The following LY86 variants were observed in gnomAD, a reference collection of about 807,000 sequenced individuals.
The protein encoded by LY86 is lymphocyte antigen 86.
A neutral mutation model predicts 17.3 loss-of-function variants in LY86; 20 were observed. That is an observed-to-expected ratio of 1.15 (90% CI 0.81 to 1.68). The LOEUF is 1.68. LY86 is among the 40% of genes most tolerant of loss of function. The pLI is 0.00. For missense variants in LY86, 200 were observed against 191.9 expected (o/e 1.04, Z -0.25); for synonymous variants, 74 against 70.6 (o/e 1.05, Z -0.24).
At chr6:6,622,477 C>A (rs935447433) in intron 1 of LY86, among the ~76,000 whole-genome samples, 4 of 152,194 alleles carry the variant, frequency 2.6e-5, no homozygotes, top group African/African-American at 9.7e-5. Flanking sequence ...TCTCCAACCC[C>A]CTGCTCCTAT....
chr6:6,643,326 G>A (rs984630131), intron 3 of LY86, among the ~76,000 whole-genome samples: 1 of 152,208 alleles, frequency 6.6e-6, no homozygotes, highest in African/African-American at 2.4e-5. Context: ...AATGGAATAT[G>A]ATTCAGCCTT....
chr6:6,601,591 G>A lies in LY86; in HGVS notation c.136+12721G>A, dbSNP rs10214703. ...AGAAATTAGCCAGGCGCAGTGGTGG[G>A]CACCTGTAGTCCCAGCTACTCAGGA... On this transcript the variant is annotated intron_variant, in intron 1 of 4. Transcript: ENST00000230568. Among the ~76,000 whole-genome samples the A allele has an allele frequency of 9.6e-3, 1,467 of 152,204 alleles. 15 individuals carry two copies. Among genetic ancestry groups the A allele is most frequent in the South Asian group, 0.026 (125 of 4,820 alleles).
chr6:6,614,023 C>G (rs538297606), intron 1 of LY86, among the ~76,000 whole-genome samples: 3 of 152,202 alleles, frequency 2.0e-5, no homozygotes, highest in Non-Finnish European at 4.4e-5. Flanking sequence ...CTTACATTCC[C>G]TAAAAGAATA....
chr6:6,613,887 A>G (rs1448039474), intron 1 of LY86, among the ~76,000 whole-genome samples: 2 of 152,338 alleles, frequency 1.3e-5, no homozygotes, highest in East Asian at 3.9e-4. Flanking sequence ...CCCACAGTGC[A>G]GTGTAAAGAG....
intron 3 of LY86, among the ~76,000 whole-genome samples, chr6:6,646,324 G>A (rs556663051): frequency 2.6e-4 from 40 of 152,238 alleles, no homozygotes; most frequent in African/African-American, 9.4e-4. Context: ...ACGATGCTTC[G>A]AATACACAAA....
At chr6:6,595,089 A>G (rs1052206803) in intron 1 of LY86, among the ~76,000 whole-genome samples, 4 of 151,766 alleles carry the variant, frequency 2.6e-5, no homozygotes, top group Non-Finnish European at 2.9e-5. Flanking sequence ...CCAGCAAAAG[A>G]AGGATGGGGA....
At chr6:6,612,536 A>C (rs559667468) in intron 1 of LY86, among the ~76,000 whole-genome samples, 9 of 152,352 alleles carry the variant, frequency 5.9e-5, no homozygotes, top group South Asian at 4.1e-4. Context: ...AACCAACCAC[A>C]CAAAAGCAAC....
chr6:6,613,429 C>T (rs1007218389), intron 1 of LY86, among the ~76,000 whole-genome samples: 1 of 152,234 alleles, frequency 6.6e-6, no homozygotes, highest in African/African-American at 2.4e-5. Context: ...GTCCTGAGCC[C>T]TGCCGCGCCG....
intron 1 of LY86, among the ~76,000 whole-genome samples, chr6:6,613,222 A>T (rs1445093802): frequency 2.8e-5 from 4 of 144,978 alleles, no homozygotes; most frequent in East Asian, 4.4e-4. Flanking sequence ...CACCCAGTGG[A>T]TCCGGCACTA....
intron 1 of LY86, among the ~76,000 whole-genome samples, chr6:6,605,417 G>C (rs575410386): frequency 6.6e-6 from 1 of 152,220 alleles, no homozygotes; most frequent in Non-Finnish European, 1.5e-5. Context: ...GCAATGAACA[G>C]ACCTCCAAAG....
chr6:6,624,716 C>A (rs921156589), intron 1 of LY86, among the ~76,000 whole-genome samples: 2 of 152,106 alleles, frequency 1.3e-5, no homozygotes, highest in African/African-American at 2.4e-5. Context: ...TGGATGGAGG[C>A]CCCCTGTTGT....
intron 4 of LY86, among the ~76,000 whole-genome samples, chr6:6,652,427 T>A (rs1356720316): frequency 6.6e-6 from 1 of 152,142 alleles, no homozygotes; most frequent in Non-Finnish European, 1.5e-5. Context: ...GCAGTTCCCA[T>A]GTGGCCAAAA....
intron 3 of LY86, among the ~76,000 whole-genome samples, chr6:6,639,283 G>A (rs191028110): frequency 5.5e-4 from 84 of 151,748 alleles, no homozygotes; most frequent in African/African-American, 1.2e-3. Context: ...GGTTACATCC[G>A]TGTCATGGTT....
chr6:6,602,290 G>A (rs1760933413), intron 1 of LY86, among the ~76,000 whole-genome samples: 1 of 152,174 alleles, frequency 6.6e-6, no homozygotes, highest in Non-Finnish European at 1.5e-5. Flanking sequence ...ATCACCATTT[G>A]AACACCTGGA....
intron 3 of LY86, among the ~76,000 whole-genome samples, chr6:6,632,970 G>A (rs1202734017): frequency 4.6e-5 from 7 of 152,178 alleles, no homozygotes; most frequent in African/African-American, 1.7e-4. Context: ...GTTCACTCCA[G>A]TCTCTTTCAG....
At chr6:6,600,484 A>G (rs1273769279) in intron 1 of LY86, among the ~76,000 whole-genome samples, 20 of 151,122 alleles carry the variant, frequency 1.3e-4, no homozygotes, top group Admixed American at 1.3e-3. Context: ...ACAGCTACTC[A>G]GAGGCTGAGG....
At chr6:6,639,336 A>C (rs4246077) in intron 3 of LY86, among the ~76,000 whole-genome samples, 49,345 of 152,098 alleles carry the variant, frequency 0.32, 8,186 homozygotes, top group Middle Eastern at 0.43. Context: ...AACAAGCCAC[A>C]AGCCTTGTCC....
intron 4 of LY86, among the ~76,000 whole-genome samples, chr6:6,651,259 T>C (rs1762182831): frequency 6.6e-6 from 1 of 152,266 alleles, no homozygotes; most frequent in Non-Finnish European, 1.5e-5. Flanking sequence ...CCAAAACCTG[T>C]ATTTGGCTGA....
chr6:6,645,162 T>TA (rs1254286454), intron 3 of LY86, among the ~76,000 whole-genome samples: 2 of 151,758 alleles, frequency 1.3e-5, no homozygotes, highest in Admixed American at 6.6e-5. Flanking sequence ...AACGAAAGTT[T>TA]AAAAAAAAGG....
Sources: gnomAD v4.1 joint callset for allele counts (sites outside exome capture counted in the v4.1 genomes callset) on GRCh38, gnomAD v4.1.1 for gene constraint, MANE v1.5 for transcripts, NCBI Gene and HGNC (gene_info 2026-07-23, HGNC 2026-07-21) for gene names.